Variants in CHSY3 observed in about 807,000 individuals in gnomAD.
CHSY3 encodes the protein N-acetylgalactosaminyl-proteoglycan 3-beta-glucuronosyltransferase 3.
Under a neutral mutation model 67.2 loss-of-function variants are expected in CHSY3, and 35 were observed. The observed-to-expected ratio is 0.52, with a 90% CI of 0.40 to 0.69. CHSY3 has a LOEUF of 0.69. Among genes scored for constraint, CHSY3 ranks in the 30% least tolerant of loss-of-function variants. The pLI is 0.00. For synonymous variants in CHSY3, 474 were observed against 434.7 expected (o/e 1.09, Z -1.12); for missense variants, 1,069 against 1,138.5 (o/e 0.94, Z 0.88).
At position 130,130,358 on chromosome 5, in the gene CHSY3, T is replaced by C. The variant is rs140286260; in HGVS notation, c.1087-53871T>C. ...TGCCATGTAATCATTTTGAAATCCA[T>C]ATACCTAAATCTATGGTGTATATCT... On this transcript the variant is annotated intron_variant, in intron 2 of 2. Coordinates refer to ENST00000305031, the MANE Select transcript of CHSY3 (RefSeq NM_175856.5). Among the ~76,000 whole-genome samples the C allele has an allele frequency of 6.2e-3, 944 of 152,282 alleles. 10 individuals carry two copies. Among genetic ancestry groups the C allele is most frequent in the African/African-American group, 0.022 (915 of 41,562 alleles).
At chr5:129,913,470 GT>G (rs1760635359) in intron 2 of CHSY3, among the ~76,000 whole-genome samples, 1 of 152,080 alleles carries the variant, frequency 6.6e-6, no homozygotes, top group South Asian at 2.1e-4. Flanking sequence ...TTATAGATAT[GT>G]TTTTAGTAAA....
intron 2 of CHSY3, among the ~76,000 whole-genome samples, chr5:130,009,244 C>T (rs369036699): frequency 7.9e-5 from 12 of 152,034 alleles, no homozygotes; most frequent in South Asian, 4.1e-4. Flanking sequence ...ACAAAGTGAA[C>T]CCAATCAGGC....
At chr5:129,967,994 C>G (rs762646387) in intron 2 of CHSY3, among the ~76,000 whole-genome samples, 4 of 151,692 alleles carry the variant, frequency 2.6e-5, no homozygotes, top group Non-Finnish European at 5.9e-5. Context: ...AATAAAATCT[C>G]TCTTCCCCTG....
intron 2 of CHSY3, among the ~76,000 whole-genome samples, chr5:129,965,350 G>A (rs961717609): frequency 1.3e-5 from 2 of 151,882 alleles, no homozygotes; most frequent in African/African-American, 2.4e-5. Context: ...ACACCATCAC[G>A]TATTACTTTG....
In CHSY3 at chr5:129,905,132, C is replaced by T. The variant is rs1760206185; in HGVS notation, c.303C>T (p.Ser101=). The T allele has an allele frequency of 2.0e-6, 3 of 1,534,392 alleles. No individual in the cohort carries two copies. Among genetic ancestry groups the T allele is most frequent in the Middle Eastern group, 1.7e-4 (1 of 5,776 alleles). ...AAPGITSFRS[S]PWQQPPPLQQ... is the part of the protein sequence containing the mutation. Reference sequence around the variant, plus strand: ...CCGGGATCACCAGTTTTCGAAGCAGCCCCTGGCAGCAGCCACCTCCGCTGC... The same window carrying T: ...CCGGGATCACCAGTTTTCGAAGCAGTCCCTGGCAGCAGCCACCTCCGCTGC... The change falls in exon 1 of 3, where the codon AGC becomes AGT. Residue 101 remains serine, a synonymous_variant. Coordinates refer to ENST00000305031, the MANE Select transcript of CHSY3 (RefSeq NM_175856.5).
chr5:130,066,329 T>A (rs1765884928), intron 2 of CHSY3, among the ~76,000 whole-genome samples: 1 of 152,070 alleles, frequency 6.6e-6, no homozygotes, highest in Non-Finnish European at 1.5e-5. Flanking sequence ...GCATGATGAA[T>A]CCAGAGAGGC....
rs765146529 is a variant in CHSY3, at chr5:129,905,110, G to T, written c.281G>T (p.Gly94Val). Reference sequence around the variant, plus strand: ...CCACCGCTGCCCGAGGCAGCACCCGGGATCACCAGTTTTCGAAGCAGCCCC... The same window carrying T: ...CCACCGCTGCCCGAGGCAGCACCCGTGATCACCAGTTTTCGAAGCAGCCCC... ...QGPPLPEAAP[G>V]ITSFRSSPWQ... Residue 94 changes from glycine (G) to valine (V), a missense_variant, in exon 1 of 3, where the codon GGG becomes GTG. Physicochemically the swap from Gly to Val is moderately radical, Grantham distance 109. Around this residue, in one of 5 missense-constraint regions of CHSY3, gnomAD observed 309 missense variants for 262.5 expected, o/e 1.18. Transcript: ENST00000305031. 8.4e-6 allele frequency: 13 copies of T among 1,540,112 alleles called. 1 individual carries two copies. In the East Asian group the frequency reaches 2.9e-4, roughly 35 times the overall value.
chr5:130,186,454 C>T lies in CHSY3; in HGVS notation c.*663C>T, dbSNP rs1770425474. 6.6e-6 allele frequency: 1 copy of T among 152,546 alleles called. No homozygotes were observed. The allele number at this position is 152,546 out of a possible 1,614,324, so 9.4% of individuals were successfully genotyped here. ...ATTATGAGCTCCTCACAACTGTCTGCTATAAATGCGAATGAACTTTATTTT... is the reference window on the plus strand; with the variant it reads ...ATTATGAGCTCCTCACAACTGTCTGTTATAAATGCGAATGAACTTTATTTT... On this transcript the variant is annotated 3_prime_UTR_variant, in exon 3 of 3. Coordinates refer to ENST00000305031, the MANE Select transcript of CHSY3 (RefSeq NM_175856.5).
At chr5:130,083,726 C>T (rs1057389293) in intron 2 of CHSY3, among the ~76,000 whole-genome samples, 5 of 152,020 alleles carry the variant, frequency 3.3e-5, no homozygotes, top group African/African-American at 9.7e-5. Flanking sequence ...GAATTCTTGA[C>T]ATACAGTGTT....
chr5:130,152,621 T>C (rs954223188), intron 2 of CHSY3, among the ~76,000 whole-genome samples: 1 of 152,190 alleles, frequency 6.6e-6, no homozygotes, highest in African/African-American at 2.4e-5. Context: ...AATTCACATA[T>C]GGAATACCTA....
chr5:130,141,175 T>A (rs991523706), intron 2 of CHSY3: 10 of 437,416 alleles, frequency 2.3e-5, no homozygotes, highest in Admixed American at 1.8e-4. Context: ...GAAGCAAATC[T>A]GAAAATGTTC....
intron 2 of CHSY3, among the ~76,000 whole-genome samples, chr5:130,164,350 G>A (rs1206498487): frequency 6.6e-6 from 1 of 152,184 alleles, no homozygotes; most frequent in South Asian, 2.1e-4. Context: ...TAGGACGCGG[G>A]AAGAGGAAGA....
At position 130,185,778 on chromosome 5, in the gene CHSY3, G is replaced by A. The variant is rs777029388; in HGVS notation, c.2636G>A (p.Arg879Gln). Reference sequence around the variant, plus strand: ...AAACATTTAGGTGTCAGGTACAATCGAACTCTCTCCTGACAGTCCAGGCAA... The same window carrying A: ...AAACATTTAGGTGTCAGGTACAATCAAACTCTCTCCTGACAGTCCAGGCAA... ...LEKHLGVRYNRTLS is the reference protein window; with the variant it reads ...LEKHLGVRYNQTLS The change falls in exon 3 of 3, where the codon CGA (arginine) becomes CAA (glutamine). Residue 879 changes from arginine (R) to glutamine (Q), a missense_variant. By Grantham distance (43) the Arg-to-Gln change is conservative. Coordinates refer to ENST00000305031, the MANE Select transcript of CHSY3 (RefSeq NM_175856.5). The A allele has an allele frequency of 4.2e-5, 67 of 1,596,914 alleles. No individual in the cohort carries two copies. Among genetic ancestry groups the A allele is most frequent in the Non-Finnish European group, 5.4e-5 (63 of 1,169,558 alleles).
intron 2 of CHSY3, among the ~76,000 whole-genome samples, chr5:130,019,835 T>A (rs1341479270): frequency 3.3e-5 from 5 of 152,226 alleles, no homozygotes; most frequent in Admixed American, 3.3e-4. Flanking sequence ...TTCACAAAAC[T>A]ATGTGGTTTA....
chr5:130,099,703 G>A (rs1767166023), intron 2 of CHSY3, among the ~76,000 whole-genome samples: 1 of 152,186 alleles, frequency 6.6e-6, no homozygotes, highest in South Asian at 2.1e-4. Context: ...ACTCTTATAA[G>A]TGCATTTGTA....
intron 2 of CHSY3, among the ~76,000 whole-genome samples, chr5:129,938,644 A>G (rs1761590265): frequency 6.6e-6 from 1 of 152,206 alleles, no homozygotes; most frequent in African/African-American, 2.4e-5. Flanking sequence ...TTCCACAGCT[A>G]TCTAGAGTAG....
At chr5:129,991,223 A>C (rs773478816) in intron 2 of CHSY3, among the ~76,000 whole-genome samples, 12 of 152,126 alleles carry the variant, frequency 7.9e-5, no homozygotes, top group Non-Finnish European at 2.9e-5. Flanking sequence ...AATTCATTGG[A>C]GGAAGGTGAT....
chr5:129,995,444 A>T (rs533469393), intron 2 of CHSY3, among the ~76,000 whole-genome samples: 1 of 151,814 alleles, frequency 6.6e-6, no homozygotes, highest in East Asian at 1.9e-4. Flanking sequence ...ATAAAGTCTA[A>T]TTCGTCGATT....
intron 2 of CHSY3, among the ~76,000 whole-genome samples, chr5:130,125,456 C>T (rs12513489): frequency 0.6 from 83,275 of 139,376 alleles, 24,644 homozygotes; most frequent in African/African-American, 0.76. Flanking sequence ...GATAGATAGA[C>T]AGACAGACAG....
Sources: gnomAD v4.1 joint callset for allele counts (sites outside exome capture counted in the v4.1 genomes callset) on GRCh38, gnomAD v4.1.1 for gene constraint, gnomAD v4.1.1 regional missense constraint, MANE v1.5 for transcripts, NCBI Gene and HGNC (gene_info 2026-07-23, HGNC 2026-07-21) for gene names.